The following ME1 variants were observed in gnomAD, a reference collection of about 807,000 sequenced individuals.
ME1 encodes malic enzyme 1, also known as NADP-dependent malic enzyme.
ME1 carries 74 observed loss-of-function variants against 66.4 expected under a neutral mutation model. The observed-to-expected ratio is 1.11, with a 90% confidence interval of 0.92 to 1.35. The LOEUF is 1.35. ME1 is among the 40% of genes most tolerant of loss of function. The pLI is 0.00. For synonymous variants in ME1, 251 were observed against 235.6 expected, an observed-to-expected ratio of 1.07 and a Z score of -0.60; for missense variants, 750 against 694.1, an observed-to-expected ratio of 1.08 and a Z score of -0.90.
chr6:83,341,057 C>T (rs898070591), intron 5 of ME1, among the ~76,000 whole-genome samples: 8 of 151,928 alleles, frequency 5.3e-5, no homozygotes, highest in African/African-American at 1.9e-4. Flanking sequence ...AAAGACTAAC[C>T]ATGTGATCTG....
chr6:83,430,891 G>A lies in ME1; in HGVS notation c.64C>T (p.Pro22Ser). The change falls in exon 1 of 14, where the codon CCT (proline) becomes TCT (serine). Residue 22 changes from proline to serine, a missense_variant. By Grantham distance (74) the Pro-to-Ser change is moderately conservative. Transcript: ENST00000369705. ...HQRGYLLTRN[P>S]HLNKDLAFTL... ...TGCGGGTTTACCTTGTTGAGGTGAG[G>A]GTTCCGTGTCAGCAGGTAGCCGCGC... 1 of 1,602,788 alleles carries A rather than the reference G, an allele frequency of 6.2e-7. No homozygotes were observed. Among genetic ancestry groups the A allele is most frequent in the Non-Finnish European group, 8.5e-7 (1 of 1,175,070 alleles).
chr6:83,328,052 A>C (rs1046870423), intron 5 of ME1, among the ~76,000 whole-genome samples: 42 of 152,234 alleles, frequency 2.8e-4, no homozygotes, highest in African/African-American at 9.4e-4. Context: ...AACAGCAAAG[A>C]CTTGGAACCA....
intron 12 of ME1, among the ~76,000 whole-genome samples, chr6:83,223,439 G>A (rs1043395705): frequency 3.9e-5 from 6 of 152,226 alleles, no homozygotes; most frequent in South Asian, 4.1e-4. Context: ...AGGGGCATGA[G>A]CCACCACACC....
Position 83,227,335 on chromosome 6 carries a change from C to A in ME1, c.1275G>T (p.Lys425Asn). 6.6e-7 allele frequency: 1 copy of A among 1,519,272 alleles called. No homozygotes were observed. Among genetic ancestry groups the A allele is most frequent in the Non-Finnish European group, 8.9e-7 (1 of 1,125,222 alleles). 94.1% of individuals were successfully genotyped at this position (1,519,272 alleles called of 1,614,324 possible). ...AATATCTGTTATAGTTTTACTTTAC[C>A]TTGGTTATTTTGTAGCACTGCTCTG... ...CSAEQCYKIT[K>N]GRAIFASGSP... The change falls in exon 11 of 14, where the codon AAG becomes AAT. Residue 425 changes from lysine (K) to asparagine (N), a missense_variant and splice_region_variant. By Grantham distance (94) the Lys-to-Asn change is moderately conservative. Transcript: ENST00000369705.
At chr6:83,366,155 C>T (rs1164554956) in intron 3 of ME1, among the ~76,000 whole-genome samples, 3 of 152,166 alleles carry the variant, frequency 2.0e-5, no homozygotes, top group Admixed American at 6.5e-5. Context: ...GGCATTTGAT[C>T]AACTAAGCCT....
chr6:83,342,801 C>G (rs1344243051), intron 5 of ME1, among the ~76,000 whole-genome samples: 1 of 152,136 alleles, frequency 6.6e-6, no homozygotes, highest in Non-Finnish European at 1.5e-5. Flanking sequence ...ATTCTCCTGC[C>G]TCAGCCTCCC....
At chr6:83,361,299 G>A (rs1411692681) in intron 3 of ME1, among the ~76,000 whole-genome samples, 2 of 152,204 alleles carry the variant, frequency 1.3e-5, no homozygotes, top group African/African-American at 2.4e-5. Flanking sequence ...TAAAGGATAA[G>A]TTGCTGCATT....
intron 4 of ME1, among the ~76,000 whole-genome samples, chr6:83,350,711 T>C (rs1768783351): frequency 6.6e-6 from 1 of 152,092 alleles, no homozygotes; most frequent in African/African-American, 2.4e-5. Flanking sequence ...CTCAAACTCC[T>C]GAGCTCAAGC....
chr6:83,390,128 T>C (rs927211069), intron 3 of ME1, among the ~76,000 whole-genome samples: 3 of 152,144 alleles, frequency 2.0e-5, no homozygotes, highest in Non-Finnish European at 4.4e-5. Flanking sequence ...CAGATTTTAA[T>C]GCCATATTCA....
intron 3 of ME1, among the ~76,000 whole-genome samples, chr6:83,390,077 A>T (rs1769592216): frequency 6.6e-6 from 1 of 152,198 alleles, no homozygotes; most frequent in African/African-American, 2.4e-5. Flanking sequence ...AAAATTAGAA[A>T]TACGGTTATT....
chr6:83,224,223 G>A (rs532859445), intron 11 of ME1, among the ~76,000 whole-genome samples: 32 of 152,196 alleles, frequency 2.1e-4, no homozygotes, highest in Non-Finnish European at 3.8e-4. Context: ...CAACCGATAG[G>A]CTCATCAACC....
chr6:83,402,714 C>T (rs1769860473), intron 2 of ME1, among the ~76,000 whole-genome samples: 1 of 152,158 alleles, frequency 6.6e-6, no homozygotes. Flanking sequence ...CAATCCAATT[C>T]AAGCAGGATT....
At chr6:83,289,885 A>G (rs968475521) in intron 6 of ME1, among the ~76,000 whole-genome samples, 1 of 152,104 alleles carries the variant, frequency 6.6e-6, no homozygotes, top group Non-Finnish European at 1.5e-5. Flanking sequence ...CCAGGAATTT[A>G]TCTGCTTCTT....
intron 1 of ME1, among the ~76,000 whole-genome samples, chr6:83,416,580 TAAAC>T (rs992039509): frequency 6.6e-6 from 1 of 152,092 alleles, no homozygotes; most frequent in Admixed American, 6.5e-5. Context: ...TTAAATGAAA[TAAAC>T]AAGAGACATA....
chr6:83,273,894 A>T (rs1767129619), intron 6 of ME1, among the ~76,000 whole-genome samples: 1 of 152,130 alleles, frequency 6.6e-6, no homozygotes, highest in Non-Finnish European at 1.5e-5. Flanking sequence ...TAACTCCTTC[A>T]TGTAAAAGTA....
At chr6:83,263,806 AACATAACATAACATAACAT>A (rs1271691610) in intron 6 of ME1, among the ~76,000 whole-genome samples, 55 of 142,990 alleles carry the variant, frequency 3.8e-4, no homozygotes, top group African/African-American at 1.5e-3. Flanking sequence ...AACATAACAT[AACATAACATAACATAACAT>A]AACATAACAT....
At chr6:83,409,785 T>C (rs920365573) in intron 1 of ME1, among the ~76,000 whole-genome samples, 3 of 152,228 alleles carry the variant, frequency 2.0e-5, no homozygotes, top group Admixed American at 6.5e-5. Flanking sequence ...CTAAGTGCTA[T>C]CACCACAGCT....
At chr6:83,245,413 AT>A (rs5877838) in intron 7 of ME1, among the ~76,000 whole-genome samples, 1 of 151,060 alleles carries the variant, frequency 6.6e-6, no homozygotes, top group East Asian at 1.9e-4. Context: ...AGGCAAAATA[AT>A]TTTTTTTTGA....
At chr6:83,408,550 A>G (rs1769990013) in intron 1 of ME1, among the ~76,000 whole-genome samples, 1 of 152,214 alleles carries the variant, frequency 6.6e-6, no homozygotes, top group East Asian at 1.9e-4. Flanking sequence ...ATCCATTACA[A>G]CCCTATTATT....
Sources: allele counts gnomAD v4.1 joint callset (sites outside exome capture counted in the v4.1 genomes callset), GRCh38; gene constraint gnomAD v4.1.1; transcripts MANE v1.5; gene names NCBI Gene and HGNC (gene_info 2026-07-23, HGNC 2026-07-21).